The following PHGDH variants were observed in gnomAD, a reference collection of about 807,000 sequenced individuals.
The protein encoded by PHGDH is D-3-phosphoglycerate dehydrogenase.
In PHGDH, 50 loss-of-function variants were observed where a neutral mutation model predicts 52.6. The ratio of observed to expected loss-of-function variants is 0.95; its 90% CI spans 0.76 to 1.20. The LOEUF (loss-of-function observed/expected upper bound fraction) is 1.20, where lower values mean the gene tolerates loss of function less well. Among genes scored for constraint, PHGDH ranks in the 50% most tolerant of loss-of-function variants. The probability of loss-of-function intolerance (pLI) is 0.00; values close to 1 mark genes in which losing one functional copy is unlikely to be tolerated. For synonymous variants in PHGDH, 271 were observed against 280.5 expected, an observed-to-expected ratio of 0.97 and a Z score of 0.34; for missense variants, 630 against 684.6, an observed-to-expected ratio of 0.92 and a Z score of 0.89.
At chr1:119,724,680 T>C in intron 3 of PHGDH, 1 of 374,922 alleles carries the variant, frequency 2.7e-6, no homozygotes, top group South Asian at 2.0e-5. Flanking sequence ...TTTTTTTGAG[T>C]AAGGGAAAAG....
intron 1 of PHGDH, chr1:119,713,473 G>A (rs955286419): frequency 2.6e-5 from 4 of 152,378 alleles, no homozygotes; most frequent in Non-Finnish European, 5.9e-5. Context: ...AAGCTGGTTA[G>A]GGAGCATGGC....
intron 5 of PHGDH, among the ~76,000 whole-genome samples, chr1:119,731,343 A>G (rs1651681949): frequency 6.6e-6 from 1 of 152,200 alleles, no homozygotes; most frequent in Admixed American, 6.5e-5. Context: ...TCGTGACCTC[A>G]GAGACTCAGC....
intron 5 of PHGDH, chr1:119,730,118 A>T (rs368107596): frequency 6.6e-6 from 1 of 152,160 alleles, no homozygotes; most frequent in Non-Finnish European, 1.5e-5. Flanking sequence ...ATTTTGTCTT[A>T]GGGCGGAGAG....
At position 119,741,711 on chromosome 1, in the gene PHGDH, C is replaced by T. The variant is rs1652214914; in HGVS notation, c.1079-56C>T. The T allele has an allele frequency of 1.2e-5, 18 of 1,550,190 alleles. No individual in the cohort carries two copies. The South Asian group carries it at 2.0e-4, about 17-fold the overall frequency. On this transcript the variant is annotated intron_variant, in intron 9 of 11. Coordinates refer to ENST00000641023, the MANE Select transcript of PHGDH (RefSeq NM_006623.4). ...AGCTAGGTGCCAGTGGCTTCCTGCCCCCTCCTGTAGTGCTCAACAAACAGT... is the reference window on the plus strand; with the variant it reads ...AGCTAGGTGCCAGTGGCTTCCTGCCTCCTCCTGTAGTGCTCAACAAACAGT...
At chr1:119,718,285 C>A (rs1651014768) in intron 1 of PHGDH, among the ~76,000 whole-genome samples, 1 of 152,212 alleles carries the variant, frequency 6.6e-6, no homozygotes, top group Admixed American at 6.5e-5. Context: ...TATGTGACTT[C>A]AGCAAGTTCT....
chr1:119,736,160 G>T (rs944767859), intron 7 of PHGDH, among the ~76,000 whole-genome samples: 3 of 152,202 alleles, frequency 2.0e-5, no homozygotes, highest in African/African-American at 7.2e-5. Context: ...GGCCCTCTCT[G>T]AGCCCCTGTA....
intron 8 of PHGDH, among the ~76,000 whole-genome samples, 171 bp downstream of exon 8, chr1:119,737,437 C>T (rs746366441): frequency 1.1e-4 from 16 of 152,150 alleles, no homozygotes; most frequent in Admixed American, 3.9e-4. Context: ...GGGAGCCTCC[C>T]GTCTCCAGCC....
intron 1 of PHGDH, among the ~76,000 whole-genome samples, chr1:119,717,138 A>G (rs1282543124): frequency 1.4e-5 from 2 of 148,048 alleles, no homozygotes; most frequent in Non-Finnish European, 3.0e-5. Context: ...AGGCTGAAGC[A>G]GGAGAATCGC....
In PHGDH at chr1:119,726,890, A is replaced by G. The variant is rs1557971747; in HGVS notation, c.396A>G (p.Lys132=). Residue 132 remains lysine (K), a synonymous_variant, in exon 4 of 12, where the codon AAA becomes AAG. Coordinates refer to ENST00000641023, the MANE Select transcript of PHGDH (RefSeq NM_006623.4). ...CGACGGCTTCGATGAAGGACGGCAA[A>G]TGGGAGCGGAAGAAGGTGAGCAGCG... ...PQATASMKDG[K]WERKKFMGTE... is the part of the protein sequence containing the mutation. The G allele has an allele frequency of 3.7e-6, 6 of 1,614,060 alleles. No homozygotes were observed. The highest frequency in any genetic ancestry group is 4.2e-6 in the Non-Finnish European group (5 of 1,180,004).
chr1:119,738,084 A>T (rs764115383), intron 8 of PHGDH, among the ~76,000 whole-genome samples: 1 of 147,516 alleles, frequency 6.8e-6, no homozygotes, highest in East Asian at 2.0e-4. Context: ...TTTTTCCCTA[A>T]TCTTTCTACT....
intron 3 of PHGDH, 132 bp from the exon 4 acceptor site, chr1:119,726,719 C>T: frequency 1.3e-6 from 1 of 760,680 alleles, no homozygotes; most frequent in Non-Finnish European, 2.4e-6. Context: ...TGTTCCTAAA[C>T]CTGAACCCCC....
intron 1 of PHGDH, among the ~76,000 whole-genome samples, chr1:119,717,581 T>A (rs1650989821): frequency 6.6e-6 from 1 of 152,224 alleles, no homozygotes; most frequent in Admixed American, 6.5e-5. Flanking sequence ...GGTAGCAATC[T>A]ATTATTTTTC....
At chr1:119,734,948 T>C in intron 6 of PHGDH, 182 bp downstream of exon 6, 1 of 700,714 alleles carries the variant, frequency 1.4e-6, no homozygotes, top group South Asian at 1.7e-5. Context: ...GTGAGCCAGC[T>C]AGAAGTGCTT....
intron 1 of PHGDH, 27 bp from the exon 2 acceptor site, chr1:119,721,143 T>C: frequency 5.0e-6 from 8 of 1,613,114 alleles, no homozygotes; most frequent in Non-Finnish European, 6.8e-6. Context: ...AATGACTTTC[T>C]GGACCCAAAT....
At chr1:119,740,334 G>C in intron 8 of PHGDH, 52 bp from the exon 9 acceptor site, 1 of 1,605,292 alleles carries the variant, frequency 6.2e-7, no homozygotes, top group Non-Finnish European at 8.5e-7. Flanking sequence ...TCTTGATTCA[G>C]GATCTGCCAT....
chr1:119,735,072 AT>A, intron 6 of PHGDH: 2 of 666,358 alleles, frequency 3.0e-6, no homozygotes, highest in Non-Finnish European at 5.2e-6. Context: ...TATCTCAAGA[AT>A]TTCTAAGATG....
chr1:119,724,711 T>C (rs913076863), intron 3 of PHGDH: 1 of 451,612 alleles, frequency 2.2e-6, no homozygotes, highest in African/African-American at 2.0e-5. Context: ...GGCTTTCTGA[T>C]TAATTACCTC....
intron 1 of PHGDH, among the ~76,000 whole-genome samples, chr1:119,715,006 T>G (rs934405534): frequency 1.3e-5 from 2 of 152,214 alleles, no homozygotes; most frequent in South Asian, 2.1e-4. Flanking sequence ...AAGCATCTTG[T>G]TTGGAACTCA....
At chr1:119,739,455 C>G (rs1021876213) in intron 8 of PHGDH, 1 of 152,184 alleles carries the variant, frequency 6.6e-6, no homozygotes, top group African/African-American at 2.4e-5. Context: ...GACCTGTCAC[C>G]TCCCACACTG....
Sources: gnomAD v4.1 joint callset for allele counts (sites outside exome capture counted in the v4.1 genomes callset) on GRCh38, gnomAD v4.1.1 for gene constraint, MANE v1.5 for transcripts, NCBI Gene and HGNC (gene_info 2026-07-23, HGNC 2026-07-21) for gene names.